Variants in TPD52 observed in about 807,000 individuals in gnomAD.
The protein encoded by TPD52 is prostate and colon associated protein.
TPD52 carries 17 observed loss-of-function variants against 31.3 expected under a neutral mutation model. The observed-to-expected ratio is 0.54, with a 90% confidence interval of 0.37 to 0.82. TPD52 has a LOEUF of 0.82. Among genes scored for constraint, TPD52 ranks in the 40% least tolerant of loss-of-function variants. The pLI, the probability that TPD52 is intolerant of heterozygous loss-of-function variation, is 0.00. For missense variants in TPD52, 212 were observed against 240.1 expected, an observed-to-expected ratio of 0.88 and a Z score of 0.77; for synonymous variants, 83 against 89.6, an observed-to-expected ratio of 0.93 and a Z score of 0.42.
intron 1 of TPD52, among the ~76,000 whole-genome samples, chr8:80,165,257 C>T (rs1445559661): frequency 6.6e-6 from 1 of 152,200 alleles, no homozygotes; most frequent in African/African-American, 2.4e-5. Flanking sequence ...CTCGCACATG[C>T]TGGTGGAAGT....
chr8:80,080,632 C>T, intron 1 of TPD52: 1 of 1,352,718 alleles, frequency 7.4e-7, no homozygotes, highest in Non-Finnish European at 9.5e-7. Flanking sequence ...GCCTTCACGC[C>T]CCTCCTGATA....
intron 1 of TPD52, among the ~76,000 whole-genome samples, chr8:80,118,344 G>C (rs1315828755): frequency 1.3e-5 from 2 of 152,158 alleles, no homozygotes; most frequent in African/African-American, 4.8e-5. Context: ...AAAACTCTTA[G>C]AGGAAAACAC....
At chr8:80,043,158 A>G (rs1211041920) in intron 6 of TPD52, among the ~76,000 whole-genome samples, 1 of 152,194 alleles carries the variant, frequency 6.6e-6, no homozygotes, top group African/African-American at 2.4e-5. Flanking sequence ...GGAGCAGCAT[A>G]ATAGACTGGG....
intron 1 of TPD52, among the ~76,000 whole-genome samples, chr8:80,075,563 A>T (rs1814443331): frequency 6.6e-6 from 1 of 152,060 alleles, no homozygotes; most frequent in Non-Finnish European, 1.5e-5. Flanking sequence ...TTCTAAATGG[A>T]CCCTTAAATC....
chr8:80,073,856 C>T (rs1366393946), intron 1 of TPD52, among the ~76,000 whole-genome samples: 1 of 152,172 alleles, frequency 6.6e-6, no homozygotes, highest in Admixed American at 6.5e-5. Context: ...CAAAGATTGT[C>T]ACTTTTGGGG....
rs949619078 is a variant in TPD52, at chr8:80,123,999, A to G, written c.19+47426T>C. 4.6e-5 allele frequency among the ~76,000 whole-genome samples: 7 copies of G among 152,328 alleles called. No homozygotes were observed. In the South Asian group the frequency reaches 1.5e-3, roughly 32 times the overall value. On this transcript the variant is annotated intron_variant, in intron 1 of 7. Transcript: ENST00000518937. The stretch of plus-strand genomic sequence containing the variant: ...AGCATGTCAGGAAACTCACAAAGGA[A>G]AAGCCTAATTACCTGAGCTGAACAT...
intron 2 of TPD52, among the ~76,000 whole-genome samples, chr8:80,062,533 T>C (rs1247958488): frequency 1.3e-5 from 2 of 152,166 alleles, no homozygotes; most frequent in Non-Finnish European, 2.9e-5. Context: ...TAATGAGATA[T>C]CACTTCACAC....
intron 1 of TPD52, among the ~76,000 whole-genome samples, chr8:80,141,650 G>T (rs759390956): frequency 6.6e-6 from 1 of 152,212 alleles, no homozygotes; most frequent in Non-Finnish European, 1.5e-5. Context: ...GGGGGCTCAC[G>T]CCTGTAATGC....
intron 1 of TPD52, among the ~76,000 whole-genome samples, chr8:80,135,059 G>A (rs62516115): frequency 0.11 from 17,183 of 152,092 alleles, 1,227 homozygotes; most frequent in South Asian, 0.21. Context: ...TGCAGATGCT[G>A]AACTGCCAGG....
At chr8:80,116,938 T>A (rs1222205036) in intron 1 of TPD52, among the ~76,000 whole-genome samples, 4 of 152,088 alleles carry the variant, frequency 2.6e-5, no homozygotes, top group Admixed American at 2.0e-4. Flanking sequence ...AGAAAAAGCA[T>A]TTGACAAGAT....
chr8:80,098,847 T>C (rs747756104), intron 1 of TPD52, among the ~76,000 whole-genome samples: 4 of 152,186 alleles, frequency 2.6e-5, no homozygotes, highest in Admixed American at 1.3e-4. Context: ...GAAGAGCCCA[T>C]CAATTGCCAC....
At position 80,108,753 on chromosome 8, in the gene TPD52, G is replaced by T. The variant is rs190203096; in HGVS notation, c.20-44160C>A. ...AATTACATAAGACTGAATAACTGATGAAAATAATGTTTTTATGACTTTATA... is the reference window on the plus strand; with the variant it reads ...AATTACATAAGACTGAATAACTGATTAAAATAATGTTTTTATGACTTTATA... On this transcript the variant is annotated intron_variant, in intron 1 of 7. Transcript: ENST00000518937. 3.9e-5 allele frequency among the ~76,000 whole-genome samples: 6 copies of T among 152,284 alleles called. No individual in the cohort carries two copies. The East Asian group carries it at 1.2e-3, about 29-fold the overall frequency.
At chr8:80,042,302 G>A (rs891362005) in intron 7 of TPD52, 42 of 985,286 alleles carry the variant, frequency 4.3e-5, no homozygotes, top group Non-Finnish European at 4.8e-5. Context: ...TGACAAGAAA[G>A]TTATATTAAA....
intron 1 of TPD52, among the ~76,000 whole-genome samples, chr8:80,134,905 G>A (rs1809283462): frequency 6.6e-6 from 1 of 152,132 alleles, no homozygotes; most frequent in Non-Finnish European, 1.5e-5. Context: ...TTAATGATGA[G>A]GTAATTTGTT....
intron 1 of TPD52, among the ~76,000 whole-genome samples, chr8:80,129,703 CTT>C (rs5892709): frequency 6.9e-5 from 9 of 130,094 alleles, no homozygotes; most frequent in Admixed American, 1.6e-4. Flanking sequence ...ACTCTCATTT[CTT>C]TTTTTTTTTT....
At chr8:80,098,721 T>C (rs1563624558) in intron 1 of TPD52, among the ~76,000 whole-genome samples, 3 of 152,232 alleles carry the variant, frequency 2.0e-5, no homozygotes, top group African/African-American at 7.2e-5. Context: ...ATAAACTTAG[T>C]TGATAAAGCA....
Position 80,171,465 on chromosome 8 carries a change from G to T in TPD52, c.-22C>A. On this transcript the variant is annotated 5_prime_UTR_variant, in exon 1 of 8. Coordinates refer to ENST00000518937, the MANE Select transcript of TPD52 (RefSeq NM_001025253.3). ...CCATGTCTCCAGCCCGCCGCCTCGTGTCCTCTGCAGCACCCCCGCCTGCAG... is the reference window on the plus strand; with the variant it reads ...CCATGTCTCCAGCCCGCCGCCTCGTTTCCTCTGCAGCACCCCCGCCTGCAG... The T allele has an allele frequency of 6.3e-7, 1 of 1,578,400 alleles. No individual in the cohort carries two copies. Among genetic ancestry groups the T allele is most frequent in the Non-Finnish European group, 8.5e-7 (1 of 1,172,794 alleles).
intron 1 of TPD52, among the ~76,000 whole-genome samples, chr8:80,092,275 T>C (rs1413010725): frequency 6.6e-6 from 1 of 152,254 alleles, no homozygotes; most frequent in Non-Finnish European, 1.5e-5. Context: ...TTCTAAGGTA[T>C]GTTTGTAACC....
At chr8:80,042,753 C>A (rs1271005338) in intron 6 of TPD52, 85 bp from the exon 7 acceptor site, 4 of 1,234,698 alleles carry the variant, frequency 3.2e-6, no homozygotes, top group Non-Finnish European at 4.6e-6. Context: ...GATTCCTCTT[C>A]AACATTATTC....
Sources: gnomAD v4.1 joint callset for allele counts (sites outside exome capture counted in the v4.1 genomes callset) on GRCh38, gnomAD v4.1.1 for gene constraint, MANE v1.5 for transcripts, NCBI Gene and HGNC (gene_info 2026-07-23, HGNC 2026-07-21) for gene names.